Variants in COL5A1 observed in about 807,000 individuals in gnomAD.
COL5A1 encodes the protein collagen type V alpha 1 chain, also known as collagen alpha-1(V) chain.
Under a neutral mutation model 263.7 loss-of-function variants are expected in COL5A1, and 16 were observed. The observed-to-expected ratio is 0.06, with a 90% CI of 0.04 to 0.09. The LOEUF is 0.09. Ranked by LOEUF, COL5A1 falls within the 10% of genes least tolerant of loss-of-function variation. The pLI, the probability that COL5A1 is intolerant of heterozygous loss-of-function variation, is 1.00. For missense variants in COL5A1, 2,036 were observed against 2,540.5 expected (o/e 0.80, Z 4.27); for synonymous variants, 1,012 against 1,004.5 (o/e 1.01, Z -0.14).
In COL5A1 at chr9:134,822,337, C is replaced by T. The variant is rs1463551208; in HGVS notation, c.4608+187C>T. Among the ~76,000 whole-genome samples, 3 of 152,130 alleles carry T rather than the reference C, an allele frequency of 2.0e-5. 1 individual carries two copies. Among genetic ancestry groups the T allele is most frequent in the South Asian group, 4.1e-4 (2 of 4,822 alleles). ...CCAGGAGACAGAAGAAAGGAAGTGG[C>T]GTTGCCCGGCCATGGTTTTTGGTGG... On this transcript the variant is annotated intron_variant, in intron 59 of 65. Transcript: ENST00000371817.
intron 40 of COL5A1, 36 bp from the exon 41 acceptor site, chr9:134,805,125 C>G (rs1282352425): frequency 1.9e-6 from 3 of 1,613,798 alleles, no homozygotes; most frequent in South Asian, 2.2e-5. Flanking sequence ...GGCCTCTCCC[C>G]ACGTGCCCTT....
At chr9:134,657,426 T>G (rs1277382456) in intron 1 of COL5A1, among the ~76,000 whole-genome samples, 12 of 8,310 alleles carry the variant, frequency 1.4e-3, no homozygotes, top group East Asian at 4.1e-3. Context: ...GGGGGTGGGG[T>G]GGGGGTGTAG....
chr9:134,758,033 G>A lies in COL5A1; in HGVS notation c.1882-210G>A, dbSNP rs1836049306. On this transcript the variant is annotated intron_variant, in intron 17 of 65. Transcript: ENST00000371817. The surrounding 1 kb of genome is among the most constrained non-coding windows in gnomAD (Gnocchi z 4.1). Reference sequence around the variant, plus strand: ...GATGAAAGTCATCTCCCCCTTTGCAGCCCATGTTCATGTTTGCAGGGGAAG... The same window carrying A: ...GATGAAAGTCATCTCCCCCTTTGCAACCCATGTTCATGTTTGCAGGGGAAG... 6.6e-6 allele frequency among the ~76,000 whole-genome samples: 1 copy of A among 152,224 alleles called. No individual in the cohort carries two copies. Among genetic ancestry groups the A allele is most frequent in the Non-Finnish European group, 1.5e-5 (1 of 68,042 alleles).
At position 134,842,605 on chromosome 9, in the gene COL5A1, C is replaced by A. The variant is rs376087882; in HGVS notation, c.*302C>A. 1 of 531,926 alleles carries A rather than the reference C, an allele frequency of 1.9e-6. No individual in the cohort carries two copies. 33.0% of individuals were successfully genotyped at this position (531,926 alleles called of 1,614,324 possible). ...GAGCGGGGCCATGCCTCCAGCCCCC[C>A]AGCTCGCCCGACCCATCCTGTTCGT... On this transcript the variant is annotated 3_prime_UTR_variant, in exon 66 of 66. Transcript: ENST00000371817. This position sits in a 1 kb window ranked among gnomAD's most constrained non-coding sequence, Gnocchi z 5.8.
intron 11 of COL5A1, among the ~76,000 whole-genome samples, chr9:134,750,306 C>A (rs1383350447): frequency 6.6e-6 from 1 of 152,146 alleles, no homozygotes; most frequent in African/African-American, 2.4e-5. Flanking sequence ...CCAGCTCAGA[C>A]CTCCCTCCCT....
chr9:134,756,914 C>A, intron 17 of COL5A1, 96 bp downstream of exon 17: 1 of 1,222,582 alleles, frequency 8.2e-7, no homozygotes, highest in Non-Finnish European at 1.2e-6. Flanking sequence ...GTGATGACTA[C>A]GATTATGATG....
chr9:134,671,487 A>G (rs1208624983), intron 1 of COL5A1, among the ~76,000 whole-genome samples: 5 of 152,190 alleles, frequency 3.3e-5, no homozygotes, highest in Non-Finnish European at 7.3e-5. Context: ...GTAATGTAAA[A>G]TATTCCTCCC....
intron 2 of COL5A1, 107 bp downstream of exon 2, chr9:134,691,186 TC>T: frequency 7.0e-7 from 1 of 1,428,860 alleles, no homozygotes; most frequent in Non-Finnish European, 9.7e-7. Flanking sequence ...GGCTCAGCTT[TC>T]CAGGAAGCCC....
intron 1 of COL5A1, among the ~76,000 whole-genome samples, chr9:134,650,747 G>A (rs1185591922): frequency 6.6e-6 from 1 of 152,266 alleles, no homozygotes; most frequent in East Asian, 1.9e-4. Flanking sequence ...GCACGTTCCC[G>A]TGCATGTTCT....
In COL5A1 at chr9:134,647,518, C is replaced by T. The variant is rs12553401; in HGVS notation, c.109+5222C>T. On this transcript the variant is annotated intron_variant, in intron 1 of 65. Coordinates refer to ENST00000371817, the MANE Select transcript of COL5A1 (RefSeq NM_000093.5). This position sits in a 1 kb window ranked among gnomAD's most constrained non-coding sequence, Gnocchi z 5.0. The stretch of plus-strand genomic sequence containing the variant: ...ATGCGCATCCTTGCACATGTACCTG[C>T]GTTCACATGGGTGTCCCTGGCTGAC... Among the ~76,000 whole-genome samples the T allele has an allele frequency of 4.6e-5, 7 of 152,184 alleles. No homozygotes were observed. The highest frequency in any genetic ancestry group is 2.0e-4 in the Admixed American group (3 of 15,278).
In COL5A1 at chr9:134,806,178, C is replaced by G. The variant is rs1444564560; in HGVS notation, c.3259-11C>G. On this transcript the variant is annotated splice_polypyrimidine_tract_variant and intron_variant, in intron 41 of 65. Coordinates refer to ENST00000371817, the MANE Select transcript of COL5A1 (RefSeq NM_000093.5). ...GCCTTTGAAGCAGACTGTTTTCTTG[C>G]TCCACCTCAGGGATCTCCAGGGGAG... The G allele has an allele frequency of 4.5e-6, 7 of 1,544,430 alleles. No individual in the cohort carries two copies. In the South Asian group the frequency reaches 6.0e-5, roughly 13 times the overall value.
In COL5A1 at chr9:134,647,013, A is replaced by C. The variant is rs955933121; in HGVS notation, c.109+4717A>C. Among the ~76,000 whole-genome samples the C allele has an allele frequency of 6.6e-6, 1 of 152,206 alleles. No individual in the cohort carries two copies. Among genetic ancestry groups the C allele is most frequent in the East Asian group, 1.9e-4 (1 of 5,192 alleles). On this transcript the variant is annotated intron_variant, in intron 1 of 65. Coordinates refer to ENST00000371817, the MANE Select transcript of COL5A1 (RefSeq NM_000093.5). This position sits in a 1 kb window ranked among gnomAD's most constrained non-coding sequence, Gnocchi z 5.0. The stretch of plus-strand genomic sequence containing the variant: ...AGGCCACACCTGTGAGAAGCTTTGC[A>C]GGCTGCCTGACCTGTACTCGGCACT...
intron 60 of COL5A1, 83 bp downstream of exon 60, chr9:134,823,116 C>G: frequency 6.8e-7 from 1 of 1,474,468 alleles, no homozygotes; most frequent in Non-Finnish European, 9.5e-7. Flanking sequence ...ACAAACTACC[C>G]AGACAACCGT....
At chr9:134,762,003 C>T (rs1298148007) in intron 19 of COL5A1, 25 bp downstream of exon 19, 1 of 1,610,114 alleles carries the variant, frequency 6.2e-7, no homozygotes, top group East Asian at 2.2e-5. Flanking sequence ...GTCCCTCCGA[C>T]TGCTCCTGCC....
At chr9:134,728,471 G>T (rs750119204) in intron 5 of COL5A1, among the ~76,000 whole-genome samples, 199 bp from the exon 6 acceptor site, 3 of 152,230 alleles carry the variant, frequency 2.0e-5, no homozygotes, top group Non-Finnish European at 4.4e-5. Context: ...TTTCTCTCTT[G>T]TGCTTCTGAT....
rs1441922749 is a variant in COL5A1, at chr9:134,817,811, C to A, written c.4210C>A (p.Gln1404Lys). 7 of 1,610,952 alleles carry A rather than the reference C, an allele frequency of 4.3e-6. No individual in the cohort carries two copies. The highest frequency in any genetic ancestry group is 5.9e-6 in the Non-Finnish European group (7 of 1,178,608). Residue 1404 changes from glutamine to lysine, a missense_variant, in exon 54 of 66, where the codon CAG becomes AAG. Physicochemically the swap from Gln to Lys is moderately conservative, Grantham distance 53. This residue lies in a region of COL5A1 where 1,078 missense variants were observed against 1,521.4 expected (regional missense o/e 0.71). Coordinates refer to ENST00000371817, the MANE Select transcript of COL5A1 (RefSeq NM_000093.5). ...PPGPAGPEGR[Q>K]GEKGAKGEAG... ...AGGCCCCGCAGGCCCCGAAGGCAGA[C>A]AGGGAGAGAAAGGGGCCAAGGTAAC...
chr9:134,774,976 C>T (rs375068838), intron 27 of COL5A1, 64 bp downstream of exon 27: 39 of 1,481,202 alleles, frequency 2.6e-5, no homozygotes, highest in South Asian at 1.1e-4. Flanking sequence ...TGGGCCTTGG[C>T]GTGGCTGGTT....
intron 4 of COL5A1, among the ~76,000 whole-genome samples, chr9:134,712,627 TCCTGTTCCCCCTCCTTC>T (rs1262644529): frequency 6.1e-5 from 3 of 49,304 alleles, no homozygotes; most frequent in Non-Finnish European, 7.7e-5. Context: ...CCCCCTTCCT[TCCTGTTCCCCCTCCTTC>T]CTGTTCCCCC....
At chr9:134,667,574 C>G (rs980265048) in intron 1 of COL5A1, among the ~76,000 whole-genome samples, 1 of 152,240 alleles carries the variant, frequency 6.6e-6, no homozygotes, top group Non-Finnish European at 1.5e-5. Flanking sequence ...AGGGCCTCAC[C>G]TTGGTGTCCA....
Sources: allele counts gnomAD v4.1 joint callset (sites outside exome capture counted in the v4.1 genomes callset), GRCh38; gene constraint gnomAD v4.1.1; regional missense constraint gnomAD v4.1.1; non-coding constraint Gnocchi (gnomAD v3.1); transcripts MANE v1.5; gene names NCBI Gene and HGNC (gene_info 2026-07-23, HGNC 2026-07-21).